Variants in FMNL2 observed in about 807,000 individuals in gnomAD.
FMNL2 encodes the protein formin like 2, also known as formin-like protein 2.
In FMNL2, 51 loss-of-function variants were observed where a neutral mutation model predicts 130.2. The ratio of observed to expected loss-of-function variants is 0.39; its 90% CI spans 0.31 to 0.49. The LOEUF (loss-of-function observed/expected upper bound fraction) is 0.49. Ranked by LOEUF, FMNL2 falls within the 20% of genes least tolerant of loss-of-function variation. The pLI is 0.85. For missense variants in FMNL2, 977 were observed against 1,316.2 expected, an observed-to-expected ratio of 0.74 and a Z score of 3.99; for synonymous variants, 465 against 467.1, an observed-to-expected ratio of 1.00 and a Z score of 0.06.
intron 1 of FMNL2, among the ~76,000 whole-genome samples, chr2:152,381,752 C>A (rs1052407537): frequency 6.6e-6 from 1 of 152,086 alleles, no homozygotes; most frequent in Non-Finnish European, 1.5e-5. Context: ...TTTAAATGTA[C>A]TGCTTTAAGA....
intron 1 of FMNL2, among the ~76,000 whole-genome samples, chr2:152,447,455 G>A (rs1443964076): frequency 6.6e-6 from 1 of 152,072 alleles, no homozygotes. Flanking sequence ...CAGCTAGATG[G>A]TAATTGAAGT....
chr2:152,412,451 TATATATATATATATATATATATA>T (rs1558840770), intron 1 of FMNL2, among the ~76,000 whole-genome samples: 4 of 6,028 alleles, frequency 6.6e-4, no homozygotes, highest in African/African-American at 2.1e-3. Context: ...ATATTTTATA[TATATATATATATATATATATATA>T]TATATATATA....
chr2:152,366,874 A>G lies in FMNL2; in HGVS notation c.117+31154A>G, dbSNP rs1396064984. ...TCAGCTACTCAGGGTAGGGGGCTGAAGTGGAGGATTGCTTGAGCCTCGGAG... is the reference window on the plus strand; with the variant it reads ...TCAGCTACTCAGGGTAGGGGGCTGAGGTGGAGGATTGCTTGAGCCTCGGAG... On this transcript the variant is annotated intron_variant, in intron 1 of 25. Coordinates refer to ENST00000288670, the MANE Select transcript of FMNL2 (RefSeq NM_052905.4). 2.0e-5 allele frequency among the ~76,000 whole-genome samples: 3 copies of G among 152,220 alleles called. No homozygotes were observed. The East Asian group carries it at 5.8e-4, about 29-fold the overall frequency.
At chr2:152,566,822 G>C (rs1695866879) in intron 6 of FMNL2, among the ~76,000 whole-genome samples, 1 of 152,132 alleles carries the variant, frequency 6.6e-6, no homozygotes, top group African/African-American at 2.4e-5. Context: ...CAGAACCTAG[G>C]GAGTGATTCA....
chr2:152,391,977 T>C (rs1685140816), intron 1 of FMNL2, among the ~76,000 whole-genome samples: 1 of 148,966 alleles, frequency 6.7e-6, no homozygotes, highest in Admixed American at 6.7e-5. Context: ...TTCACATCCT[T>C]ATTCACATGC....
At chr2:152,532,389 G>A (rs918931240) in intron 2 of FMNL2, among the ~76,000 whole-genome samples, 3 of 152,040 alleles carry the variant, frequency 2.0e-5, no homozygotes, top group African/African-American at 7.2e-5. Context: ...ATGTAATAGC[G>A]TCCCTGTTGC....
intron 1 of FMNL2, among the ~76,000 whole-genome samples, chr2:152,342,449 C>T (rs1011214751): frequency 3.3e-5 from 5 of 152,146 alleles, no homozygotes; most frequent in South Asian, 2.1e-4. Context: ...TCTTGTAGAG[C>T]GGCTCTTTAT....
chr2:152,447,492 T>TA (rs1422361817), intron 1 of FMNL2, among the ~76,000 whole-genome samples: 10 of 152,204 alleles, frequency 6.6e-5, no homozygotes, highest in Non-Finnish European at 1.5e-4. Context: ...CTTTGACAAT[T>TA]ACAGGAAGCA....
At chr2:152,422,730 T>C (rs1686985507) in intron 1 of FMNL2, among the ~76,000 whole-genome samples, 1 of 152,216 alleles carries the variant, frequency 6.6e-6, no homozygotes, top group Non-Finnish European at 1.5e-5. Context: ...GATTTTGCCA[T>C]GTTTCCCAGG....
Position 152,626,556 on chromosome 2 carries a change from T to A in FMNL2, c.1994T>A (p.Phe665Tyr). The A allele has an allele frequency of 6.2e-7, 1 of 1,610,582 alleles. No individual in the cohort carries two copies. Among genetic ancestry groups the A allele is most frequent in the South Asian group, 1.1e-5 (1 of 90,196 alleles). The change falls in exon 17 of 26, where the codon TTC (phenylalanine) becomes TAC (tyrosine). Residue 665 changes from phenylalanine (F) to tyrosine (Y), a missense_variant. By Grantham distance (22) the Phe-to-Tyr change is conservative. Transcript: ENST00000288670. ...AATGTGGATGAATTTGAGGAAATAT[T>A]CAAGACAAAAGCCCAAGGACCTGCC... ...DLNVDEFEEI[F>Y]KTKAQGPAID...
At chr2:152,388,079 A>T (rs1684885879) in intron 1 of FMNL2, among the ~76,000 whole-genome samples, 1 of 152,206 alleles carries the variant, frequency 6.6e-6, no homozygotes, top group Non-Finnish European at 1.5e-5. Flanking sequence ...GATGACAAAG[A>T]TTCTTAGAAA....
intron 1 of FMNL2, 99 bp from the exon 2 acceptor site, chr2:152,521,844 A>AT: frequency 2.2e-6 from 2 of 896,884 alleles, no homozygotes; most frequent in Non-Finnish European, 3.6e-6. Context: ...AAAGTCATGA[A>AT]AAAACCATAG....
At chr2:152,480,386 T>C (rs1338947333) in intron 1 of FMNL2, among the ~76,000 whole-genome samples, 1 of 151,914 alleles carries the variant, frequency 6.6e-6, no homozygotes, top group Non-Finnish European at 1.5e-5. Context: ...ATCCCAGCAC[T>C]TTGGGAGGCC....
intron 9 of FMNL2, among the ~76,000 whole-genome samples, chr2:152,584,053 A>G (rs1696932717): frequency 6.6e-6 from 1 of 152,044 alleles, no homozygotes; most frequent in Admixed American, 6.6e-5. Context: ...CTTGCTTTCT[A>G]AAACATGCAA....
In FMNL2 at chr2:152,377,350, C is replaced by T. The variant is rs113873565; in HGVS notation, c.117+41630C>T. On this transcript the variant is annotated intron_variant, in intron 1 of 25. Transcript: ENST00000288670. ...TTGAAAGTTTTTTAGTGTCAAAATTCTCAGATAAGCATCTCATCTTATTTT... is the reference window on the plus strand; with the variant it reads ...TTGAAAGTTTTTTAGTGTCAAAATTTTCAGATAAGCATCTCATCTTATTTT... Among the ~76,000 whole-genome samples, 527 of 152,296 alleles carry T rather than the reference C, an allele frequency of 3.5e-3. 4 individuals carry two copies. The highest frequency in any genetic ancestry group is 0.012 in the African/African-American group (508 of 41,566).
chr2:152,387,553 A>C (rs1242959519), intron 1 of FMNL2, among the ~76,000 whole-genome samples: 2 of 152,246 alleles, frequency 1.3e-5, no homozygotes, highest in Non-Finnish European at 2.9e-5. Context: ...GTGACTTATC[A>C]AGCCCTGCTT....
At position 152,629,580 on chromosome 2, in the gene FMNL2, A is replaced by C. The variant is rs868059252; in HGVS notation, c.2401-76A>C. The stretch of plus-strand genomic sequence containing the variant: ...ATGCAGGCCTGTTTTCTTCTGTCTT[A>C]ATATTTACTTGCCAATTAGTTTCCC... On this transcript the variant is annotated intron_variant, in intron 18 of 25. Coordinates refer to ENST00000288670, the MANE Select transcript of FMNL2 (RefSeq NM_052905.4). 6 of 1,346,192 alleles carry C rather than the reference A, an allele frequency of 4.5e-6. No homozygotes were observed. In the Middle Eastern group the frequency reaches 1.1e-3, roughly 258 times the overall value. The allele number at this position is 1,346,192 out of a possible 1,614,324, so 83.4% of individuals were successfully genotyped here.
chr2:152,549,653 C>T (rs1694829776), intron 4 of FMNL2, among the ~76,000 whole-genome samples: 1 of 152,222 alleles, frequency 6.6e-6, no homozygotes, highest in African/African-American at 2.4e-5. Context: ...TTCAGGGAAT[C>T]TATGCACTAA....
chr2:152,631,491 GCTA>G (rs1231309603), intron 20 of FMNL2, among the ~76,000 whole-genome samples: 2 of 151,870 alleles, frequency 1.3e-5, no homozygotes, highest in Non-Finnish European at 2.9e-5. Context: ...AACCCAGATG[GCTA>G]CTAAGTGATT....
Sources: gnomAD v4.1 joint callset for allele counts (sites outside exome capture counted in the v4.1 genomes callset) on GRCh38, gnomAD v4.1.1 for gene constraint, MANE v1.5 for transcripts, NCBI Gene and HGNC (gene_info 2026-07-23, HGNC 2026-07-21) for gene names.